Variants in FMN2 observed in about 807,000 individuals in gnomAD.
The protein encoded by FMN2 is formin-2.
Under a neutral mutation model 142.3 loss-of-function variants are expected in FMN2, and 51 were observed. That is an observed-to-expected ratio of 0.36 (90% CI 0.29 to 0.45). FMN2 has a LOEUF of 0.45. FMN2 is among the 20% of genes least tolerant of loss of function. The pLI, the probability that FMN2 is intolerant of heterozygous loss-of-function variation, is 1.00. For synonymous variants in FMN2, 882 were observed against 869.8 expected, an observed-to-expected ratio of 1.01 and a Z score of -0.25; for missense variants, 1,936 against 2,122.8, an observed-to-expected ratio of 0.91 and a Z score of 1.73.
chr1:240,234,263 C>A (rs1383060262), intron 6 of FMN2, among the ~76,000 whole-genome samples: 1 of 152,042 alleles, frequency 6.6e-6, no homozygotes, highest in Non-Finnish European at 1.5e-5. Context: ...GACACTCATC[C>A]CCCCTACCCT....
chr1:240,401,453 A>G lies in FMN2; in HGVS notation c.4910+8891A>G, dbSNP rs193233038. ...GACAGAAAATACACGGGGAAGTTTC[A>G]TTTCTATGAATATATCAAAAGGTTC... On this transcript the variant is annotated intron_variant, in intron 15 of 17. Coordinates refer to ENST00000319653, the MANE Select transcript of FMN2 (RefSeq NM_020066.5). Among the ~76,000 whole-genome samples the G allele has an allele frequency of 3.3e-5, 5 of 152,280 alleles. No individual in the cohort carries two copies. The East Asian group carries it at 9.7e-4, about 29-fold the overall frequency.
At chr1:240,457,899 A>C (rs1360930) in intron 16 of FMN2, 1 of 152,086 alleles carries the variant, frequency 6.6e-6, no homozygotes, top group Admixed American at 6.6e-5. Context: ...AGGAAGAACC[A>C]TGCACACTAC....
At chr1:240,206,762 T>C in intron 4 of FMN2, 37 bp from the exon 5 acceptor site, 1 of 1,566,768 alleles carries the variant, frequency 6.4e-7, no homozygotes, top group Non-Finnish European at 8.7e-7. Flanking sequence ...TTTTCCTTAT[T>C]TCATAACTAA....
intron 14 of FMN2, among the ~76,000 whole-genome samples, chr1:240,360,790 C>T (rs1198211131): frequency 1.3e-5 from 2 of 151,976 alleles, no homozygotes; most frequent in African/African-American, 2.4e-5. Flanking sequence ...ACTATGCAGC[C>T]ATAAAAAAGG....
intron 16 of FMN2, among the ~76,000 whole-genome samples, chr1:240,460,722 GT>G (rs1676420571): frequency 1.3e-5 from 2 of 151,418 alleles, no homozygotes; most frequent in Non-Finnish European, 2.9e-5. Context: ...AAGCAAGAAA[GT>G]AAAATATTAA....
At chr1:240,361,164 T>C (rs1295684504) in intron 14 of FMN2, among the ~76,000 whole-genome samples, 1 of 65,772 alleles carries the variant, frequency 1.5e-5, no homozygotes, top group Admixed American at 1.8e-4. Flanking sequence ...TATATATATA[T>C]ATATATATAT....
At chr1:240,122,572 C>G (rs1354110922) in intron 1 of FMN2, among the ~76,000 whole-genome samples, 1 of 152,060 alleles carries the variant, frequency 6.6e-6, no homozygotes, top group Non-Finnish European at 1.5e-5. Context: ...TGTGAGCCAC[C>G]ATGTCTGGCC....
intron 4 of FMN2, among the ~76,000 whole-genome samples, chr1:240,199,103 TCAAAAAACAAACAAA>T (rs1396311322): frequency 7.1e-6 from 1 of 141,298 alleles, no homozygotes; most frequent in Non-Finnish European, 1.5e-5. Context: ...AGACTCCGTC[TCAAAAAACAAACAAA>T]CAAAAAACAA....
chr1:240,318,831 C>T (rs868454438), intron 8 of FMN2, among the ~76,000 whole-genome samples: 45 of 152,024 alleles, frequency 3.0e-4, no homozygotes, highest in Non-Finnish European at 5.3e-4. Flanking sequence ...GGATCTGAGA[C>T]TCAGTGATTC....
At position 240,092,704 on chromosome 1, in the gene FMN2, A is replaced by G; in HGVS notation, c.595A>G (p.Ile199Val). The change falls in exon 1 of 18, where the codon ATC becomes GTC. Residue 199 changes from isoleucine to valine, a missense_variant. By Grantham distance (29) the Ile-to-Val change is conservative (BLOSUM62 3). Around this residue, in one of 8 missense-constraint regions of FMN2, gnomAD observed 751 missense variants for 791.8 expected, o/e 0.95. Transcript: ENST00000319653. ...GGAGCAAGAGGATTTGCTTTCAGAC[A>G]TCCAGCAGGCGATCCGCCTGCAGCA... ...ATEQEDLLSD[I>V]QQAIRLQQQQ... is the part of the protein sequence containing the mutation. 6.2e-7 allele frequency: 1 copy of G among 1,613,870 alleles called. No individual in the cohort carries two copies. Among genetic ancestry groups the G allele is most frequent in the South Asian group, 1.1e-5 (1 of 91,084 alleles).
rs751441075 is a variant in FMN2 at position 240,208,473 on chromosome 1, C to G, written c.3661C>G (p.Pro1221Ala). ...GCCAGGTATGGGGATTCCACCTGCTCCAGCTCCCCCACTCCCTCCACCTGG... is the reference window on the plus strand; with the variant it reads ...GCCAGGTATGGGGATTCCACCTGCTGCAGCTCCCCCACTCCCTCCACCTGG... ...PLPGMGIPPAPAPPLPPPGTG... is the reference protein window; with the variant it reads ...PLPGMGIPPAAAPPLPPPGTG... The change falls in exon 5 of 18, where the codon CCA becomes GCA. Residue 1221 changes from proline to alanine, a missense_variant. By Grantham distance (27) the Pro-to-Ala change is conservative. Transcript: ENST00000319653. 9 of 1,610,376 alleles carry G rather than the reference C, an allele frequency of 5.6e-6. No homozygotes were observed. The highest frequency in any genetic ancestry group is 7.6e-6 in the Non-Finnish European group (9 of 1,178,770).
At chr1:240,353,368 C>T (rs1301033780) in intron 13 of FMN2, among the ~76,000 whole-genome samples, 3 of 152,114 alleles carry the variant, frequency 2.0e-5, no homozygotes, top group Non-Finnish European at 4.4e-5. Context: ...GGTAATTAGC[C>T]CCAAATCGTA....
intron 13 of FMN2, among the ~76,000 whole-genome samples, chr1:240,349,171 C>T (rs1276864399): frequency 6.6e-6 from 1 of 152,054 alleles, no homozygotes; most frequent in African/African-American, 2.4e-5. Flanking sequence ...TGTGCACTTA[C>T]ACCTACTTTG....
chr1:240,200,465 A>T (rs916130003), intron 4 of FMN2, among the ~76,000 whole-genome samples: 2 of 152,100 alleles, frequency 1.3e-5, no homozygotes, highest in Admixed American at 1.3e-4. Context: ...CCGGCCCTTG[A>T]CTGATAGCCC....
At chr1:240,154,738 A>G (rs1466312028) in intron 2 of FMN2, 1 of 152,190 alleles carries the variant, frequency 6.6e-6, no homozygotes, top group Admixed American at 6.5e-5. Flanking sequence ...ATCAATTGAA[A>G]TCAATTGAAA....
chr1:240,364,391 T>C lies in FMN2; in HGVS notation c.4858+8483T>C, dbSNP rs552084298. On this transcript the variant is annotated intron_variant, in intron 14 of 17. Transcript: ENST00000319653. ...ACCAATAACTGGACTGCAAAATGAATACGCTTTTGTATTAGTGCAACATTC... is the reference window on the plus strand; with the variant it reads ...ACCAATAACTGGACTGCAAAATGAACACGCTTTTGTATTAGTGCAACATTC... Among the ~76,000 whole-genome samples, 5 of 152,226 alleles carry C rather than the reference T, an allele frequency of 3.3e-5. No homozygotes were observed. The East Asian group carries it at 9.7e-4, about 29-fold the overall frequency.
At chr1:240,277,666 G>T (rs928954867) in intron 7 of FMN2, among the ~76,000 whole-genome samples, 3 of 150,900 alleles carry the variant, frequency 2.0e-5, no homozygotes, top group Non-Finnish European at 4.4e-5. Flanking sequence ...CCAAGTAACT[G>T]GGATTACAGG....
chr1:240,253,701 A>C (rs1023494895), intron 6 of FMN2, among the ~76,000 whole-genome samples: 1 of 152,306 alleles, frequency 6.6e-6, no homozygotes, highest in African/African-American at 2.4e-5. Flanking sequence ...ATATTTGTGC[A>C]TCTGGTATAA....
At chr1:240,323,993 G>A (rs1671067362) in intron 8 of FMN2, among the ~76,000 whole-genome samples, 2 of 152,254 alleles carry the variant, frequency 1.3e-5, no homozygotes, top group Middle Eastern at 3.4e-3. Flanking sequence ...ACCACAAAAG[G>A]AACACCTGTC....
Sources: allele counts gnomAD v4.1 joint callset (sites outside exome capture counted in the v4.1 genomes callset), GRCh38; gene constraint gnomAD v4.1.1; regional missense constraint gnomAD v4.1.1; transcripts MANE v1.5; gene names NCBI Gene and HGNC (gene_info 2026-07-23, HGNC 2026-07-21).